Variants in RUNX2 observed in about 807,000 individuals in gnomAD.
RUNX2 encodes runt-related transcription factor 2.
Under a neutral mutation model 51.7 loss-of-function variants are expected in RUNX2, and 10 were observed. The ratio of observed to expected loss-of-function variants is 0.19; its 90% CI spans 0.12 to 0.33. The LOEUF is 0.33. RUNX2 is among the 10% of genes least tolerant of loss of function. The probability of loss-of-function intolerance (pLI) is 1.00; values close to 1 mark genes in which losing one functional copy is unlikely to be tolerated. For synonymous variants in RUNX2, 276 were observed against 273.6 expected, an observed-to-expected ratio of 1.01 and a Z score of -0.09; for missense variants, 562 against 691.3, an observed-to-expected ratio of 0.81 and a Z score of 2.10.
chr6:45,418,516 C>T (rs78308743), intron 2 of RUNX2, among the ~76,000 whole-genome samples: 4,213 of 152,196 alleles, frequency 0.028, 197 homozygotes, highest in African/African-American at 0.093. Context: ...AACATTTTGA[C>T]GTAGAAAATC....
chr6:45,504,796 C>G (rs983837908), intron 6 of RUNX2, among the ~76,000 whole-genome samples: 3 of 152,142 alleles, frequency 2.0e-5, no homozygotes, highest in African/African-American at 7.2e-5. Flanking sequence ...AGGCATAGTT[C>G]TAAGCCAGTA....
intron 2 of RUNX2, among the ~76,000 whole-genome samples, chr6:45,352,498 T>C (rs765388541): frequency 7.2e-5 from 11 of 151,888 alleles, no homozygotes; most frequent in Non-Finnish European, 1.3e-4. Context: ...AGCAACAAAA[T>C]TACCAGCCAA....
At chr6:45,376,876 T>A (rs1359314739) in intron 2 of RUNX2, among the ~76,000 whole-genome samples, 1 of 152,204 alleles carries the variant, frequency 6.6e-6, no homozygotes, top group Non-Finnish European at 1.5e-5. Flanking sequence ...CACATACATA[T>A]ACTTATATAC....
intron 2 of RUNX2, among the ~76,000 whole-genome samples, chr6:45,332,518 C>T (rs1168156512): frequency 1.3e-5 from 2 of 151,626 alleles, no homozygotes; most frequent in African/African-American, 4.8e-5. Flanking sequence ...ATACAAATAC[C>T]AATCTTCCAT....
At chr6:45,431,725 T>C in intron 3 of RUNX2, 138 bp from the exon 4 acceptor site, 1 of 976,482 alleles carries the variant, frequency 1.0e-6, no homozygotes, top group Non-Finnish European at 1.6e-6. Flanking sequence ...ACACAGATGC[T>C]TCATTCCTGT....
intron 6 of RUNX2, among the ~76,000 whole-genome samples, chr6:45,493,319 A>G (rs1222572725): frequency 6.6e-6 from 1 of 152,224 alleles, no homozygotes. Context: ...AAGAATGGCC[A>G]TGTTTTAGAC....
chr6:45,422,756 G>C lies in RUNX2; in HGVS notation c.222G>C (p.Ala74=), dbSNP rs761281959. ...AGCAGCAGCAGCAGCAGGAGGCGGC[G>C]GCGGCGGCTGCGGCGGCGGCGGCGG... ...QQQQQQQQEA[A]AAAAAAAAAA... Residue 74 remains alanine, a synonymous_variant, in exon 3 of 9, where the codon GCG becomes GCC. Transcript: ENST00000647337. 6.7e-6 allele frequency: 9 copies of C among 1,349,268 alleles called. No homozygotes were observed. The highest frequency in any genetic ancestry group is 9.0e-6 in the Non-Finnish European group (9 of 995,764). 83.6% of individuals were successfully genotyped at this position (1,349,268 alleles called of 1,614,324 possible). A position where few individuals can be genotyped will look rare whatever the true frequency, so the allele number is the denominator to read the frequency against.
intron 2 of RUNX2, among the ~76,000 whole-genome samples, chr6:45,393,590 G>A (rs534063533): frequency 8.6e-5 from 13 of 151,862 alleles, no homozygotes; most frequent in East Asian, 2.0e-4. Flanking sequence ...CCACCACCCC[G>A]GCTAATTTTT....
chr6:45,475,298 G>T (rs145135579), intron 5 of RUNX2, among the ~76,000 whole-genome samples: 1 of 151,996 alleles, frequency 6.6e-6, no homozygotes, highest in African/African-American at 2.4e-5. Context: ...GTGGAGGGGA[G>T]GTTTTATTGA....
chr6:45,399,626 G>C (rs1383135990), intron 2 of RUNX2, among the ~76,000 whole-genome samples: 2 of 151,736 alleles, frequency 1.3e-5, no homozygotes, highest in East Asian at 3.9e-4. Flanking sequence ...CCAAAGTGCT[G>C]GGATTACAGG....
intron 2 of RUNX2, among the ~76,000 whole-genome samples, chr6:45,369,633 T>A (rs2150301601): frequency 6.6e-6 from 1 of 152,296 alleles, no homozygotes; most frequent in Admixed American, 6.5e-5. Flanking sequence ...CACACTCTTA[T>A]TTAAAGCCAA....
At chr6:45,520,159 A>C (rs1725952677) in intron 7 of RUNX2, among the ~76,000 whole-genome samples, 1 of 152,022 alleles carries the variant, frequency 6.6e-6, no homozygotes, top group Non-Finnish European at 1.5e-5. Flanking sequence ...TAAAATCATC[A>C]AAGGTGCTCT....
At chr6:45,523,518 G>A (rs183088843) in intron 7 of RUNX2, among the ~76,000 whole-genome samples, 8 of 151,842 alleles carry the variant, frequency 5.3e-5, no homozygotes, top group Admixed American at 4.6e-4. Context: ...TGATCTACCC[G>A]CCTCGGCCTC....
intron 5 of RUNX2, among the ~76,000 whole-genome samples, chr6:45,450,951 T>A (rs1181955300): frequency 6.6e-6 from 1 of 152,166 alleles, no homozygotes; most frequent in Non-Finnish European, 1.5e-5. Flanking sequence ...TGTTCATCCC[T>A]CCTGGCCCCA....
intron 2 of RUNX2, among the ~76,000 whole-genome samples, chr6:45,329,819 T>C (rs1787095177): frequency 6.6e-6 from 1 of 151,978 alleles, no homozygotes; most frequent in Non-Finnish European, 1.5e-5. Context: ...TAGCAAAATA[T>C]CTAAACACAC....
chr6:45,429,845 G>A lies in RUNX2; in HGVS notation c.424-2018G>A, dbSNP rs540302030. Among the ~76,000 whole-genome samples the A allele has an allele frequency of 2.6e-5, 4 of 152,244 alleles. No homozygotes were observed. The South Asian group carries it at 6.2e-4, about 24-fold the overall frequency. On this transcript the variant is annotated intron_variant, in intron 3 of 8. Coordinates refer to ENST00000647337, the MANE Select transcript of RUNX2 (RefSeq NM_001024630.4). ...TCGGTGGCTCACGCCTGTAATCCCA[G>A]CACTTTGGGAGGCTGAGGCGGGCGG...
At chr6:45,465,789 C>T (rs1431626735) in intron 5 of RUNX2, among the ~76,000 whole-genome samples, 5 of 151,398 alleles carry the variant, frequency 3.3e-5, no homozygotes, top group African/African-American at 4.9e-5. Flanking sequence ...GCACATACCA[C>T]CACGCCTGGC....
At chr6:45,453,519 C>T (rs1799232984) in intron 5 of RUNX2, among the ~76,000 whole-genome samples, 1 of 152,222 alleles carries the variant, frequency 6.6e-6, no homozygotes, top group African/African-American at 2.4e-5. Context: ...CTGTTCTCCC[C>T]TGAGGACTTT....
chr6:45,536,150 C>A (rs1582219468), intron 7 of RUNX2, among the ~76,000 whole-genome samples: 1 of 151,682 alleles, frequency 6.6e-6, no homozygotes, highest in South Asian at 2.1e-4. Context: ...AGAAAGTGAA[C>A]CTTGAATATA....
Sources: gnomAD v4.1 joint callset for allele counts (sites outside exome capture counted in the v4.1 genomes callset) on GRCh38, gnomAD v4.1.1 for gene constraint, MANE v1.5 for transcripts, NCBI Gene and HGNC (gene_info 2026-07-23, HGNC 2026-07-21) for gene names.